The following NFIB variants were observed in gnomAD, a reference collection of about 807,000 sequenced individuals.
NFIB encodes the protein nuclear factor I B.
Under a neutral mutation model 61.5 loss-of-function variants are expected in NFIB, and 11 were observed. The ratio of observed to expected loss-of-function variants is 0.18; its 90% CI spans 0.11 to 0.30. The LOEUF (loss-of-function observed/expected upper bound fraction) is 0.30. Among genes scored for constraint, NFIB ranks in the 10% least tolerant of loss-of-function variants. The pLI, the probability that NFIB is intolerant of heterozygous loss-of-function variation, is 1.00. For missense variants in NFIB, 471 were observed against 608.9 expected, an observed-to-expected ratio of 0.77 and a Z score of 2.38; for synonymous variants, 260 against 216.5, an observed-to-expected ratio of 1.20 and a Z score of -1.76.
chr9:14,196,631 T>C (rs556220676), intron 2 of NFIB, among the ~76,000 whole-genome samples: 18 of 151,578 alleles, frequency 1.2e-4, no homozygotes, highest in African/African-American at 4.1e-4. Context: ...CCAAGGCTCC[T>C]TGAAATCAGG....
the NFIB span, among the ~76,000 whole-genome samples, chr9:14,528,958 A>G: frequency 6.6e-6 from 1 of 152,190 alleles, no homozygotes; most frequent in African/African-American, 2.4e-5. Flanking sequence ...ATAGCCAAGC[A>G]ACGGTAATTT....
chr9:14,438,393 G>A, the NFIB span, among the ~76,000 whole-genome samples: 1 of 152,148 alleles, frequency 6.6e-6, no homozygotes, highest in African/African-American at 2.4e-5. Context: ...TCCTGAGAGA[G>A]CATGAAACAC....
intron 1 of NFIB, among the ~76,000 whole-genome samples, chr9:14,381,061 G>C (rs533272033): frequency 9.2e-6 from 1 of 108,912 alleles, no homozygotes. Context: ...GCAACAGAGC[G>C]AGACTCCGTC....
At chr9:14,267,192 A>T (rs1175859917) in intron 2 of NFIB, among the ~76,000 whole-genome samples, 1 of 152,224 alleles carries the variant, frequency 6.6e-6, no homozygotes, top group African/African-American at 2.4e-5. Flanking sequence ...CACTGAACAC[A>T]TAATAGGAAA....
At position 14,167,083 on chromosome 9, in the gene NFIB, CGGG is replaced by C. The variant is rs71491636; in HGVS notation, c.617-11193_617-11191del. ...AGGGCATATTGTTGTGTGTGTGTGT[CGGG>C]GGGGGGGGGTTCCCCTTTTTAACAT... On this transcript the variant is annotated intron_variant, in intron 3 of 10. Transcript: ENST00000380953. Among the ~76,000 whole-genome samples, 6 of 104,602 alleles carry C rather than the reference CGGG, an allele frequency of 5.7e-5. 1 individual carries two copies. The highest frequency in any genetic ancestry group is 2.3e-4 in the Admixed American group (2 of 8,836). 68.6% of individuals were successfully genotyped at this position (104,602 alleles called of 152,430 possible).
rs139548756 is a variant in NFIB at position 14,267,403 on chromosome 9, T to C, written c.562+39586A>G. Among the ~76,000 whole-genome samples, 603 of 152,318 alleles carry C rather than the reference T, an allele frequency of 4.0e-3. 2 individuals are homozygous for C. Among genetic ancestry groups the C allele is most frequent in the African/African-American group, 0.014 (583 of 41,580 alleles). ...AGGTTAACCTGTCCCTGAGGTTATC[T>C]CAATAAATGCAAATGGCTCAAAGGG... is the stretch of plus-strand genomic sequence containing the variant. On this transcript the variant is annotated intron_variant, in intron 2 of 10. Coordinates refer to ENST00000380953, the MANE Select transcript of NFIB (RefSeq NM_001190737.2).
chr9:14,224,723 T>C (rs1021961822), intron 2 of NFIB, among the ~76,000 whole-genome samples: 1 of 152,198 alleles, frequency 6.6e-6, no homozygotes, highest in African/African-American at 2.4e-5. Flanking sequence ...CATTATGGTG[T>C]TTGGTATCCC....
the NFIB span, among the ~76,000 whole-genome samples, chr9:14,531,576 C>G: frequency 6.6e-6 from 1 of 151,988 alleles, no homozygotes; most frequent in South Asian, 2.1e-4. Flanking sequence ...TGTTTTAAGA[C>G]CAATGCAAGA....
Position 14,087,641 on chromosome 9 carries a change from G to C in NFIB, c.*668C>G. 1 of 217,196 alleles carries C rather than the reference G, an allele frequency of 4.6e-6. No individual in the cohort carries two copies. Among genetic ancestry groups the C allele is most frequent in the Non-Finnish European group, 9.2e-6 (1 of 108,202 alleles). 13.5% of individuals were successfully genotyped at this position (217,196 alleles called of 1,614,324 possible). A position where few individuals can be genotyped will look rare whatever the true frequency, so the allele number is the denominator to read the frequency against. ...ACTGGGTTACACACTGGAAAAGGCT[G>C]GGTTAAGGGCCGAAATTTAATAAAT... On this transcript the variant is annotated 3_prime_UTR_variant, in exon 11 of 11. Coordinates refer to ENST00000380953, the MANE Select transcript of NFIB (RefSeq NM_001190737.2).
the NFIB span, among the ~76,000 whole-genome samples, chr9:14,515,100 G>C: frequency 6.6e-6 from 1 of 152,144 alleles, no homozygotes; most frequent in Non-Finnish European, 1.5e-5. Flanking sequence ...CTAGAATTGG[G>C]GGCTGGGATG....
the NFIB span, among the ~76,000 whole-genome samples, chr9:14,498,239 G>T: frequency 2.6e-5 from 4 of 152,308 alleles, no homozygotes; most frequent in East Asian, 3.9e-4. Flanking sequence ...TCCTTGGAAG[G>T]TCAGGAGAAG....
At chr9:14,171,442 C>T (rs1363210928) in intron 3 of NFIB, among the ~76,000 whole-genome samples, 1 of 152,182 alleles carries the variant, frequency 6.6e-6, no homozygotes, top group Admixed American at 6.5e-5. Context: ...ACATCTCTTG[C>T]CCAGTAGGCA....
chr9:14,243,579 C>A (rs2054566950), intron 2 of NFIB, among the ~76,000 whole-genome samples: 2 of 151,152 alleles, frequency 1.3e-5, no homozygotes, highest in Middle Eastern at 6.8e-3. Context: ...GAAAGTCAAC[C>A]TATGGTTAGA....
the NFIB span, among the ~76,000 whole-genome samples, chr9:14,406,721 C>A: frequency 6.6e-6 from 1 of 152,318 alleles, no homozygotes; most frequent in South Asian, 2.1e-4. Context: ...TGCTTCCAGT[C>A]TTGACCTATA....
the NFIB span, among the ~76,000 whole-genome samples, chr9:14,526,494 AC>A: frequency 6.6e-6 from 1 of 152,202 alleles, no homozygotes; most frequent in African/African-American, 2.4e-5. Flanking sequence ...CCTTAGCAGA[AC>A]TTCTTGTGAA....
In NFIB at chr9:14,344,414, G is replaced by T. The variant is rs929836292; in HGVS notation, c.109-36894C>A. ...TCTAGTCTATTGTTGTCTCAGAAGGGGGGGGTAGAGGGAGTTGTTTGTTTG... is the reference window on the plus strand; with the variant it reads ...TCTAGTCTATTGTTGTCTCAGAAGGTGGGGGTAGAGGGAGTTGTTTGTTTG... On this transcript the variant is annotated intron_variant, in intron 1 of 8. Transcript: ENST00000380934. Among the ~76,000 whole-genome samples, 7 of 152,010 alleles carry T rather than the reference G, an allele frequency of 4.6e-5. No individual in the cohort carries two copies. In the East Asian group the frequency reaches 1.4e-3, roughly 29 times the overall value.
chr9:14,322,772 C>A (rs1423529024), intron 1 of NFIB, among the ~76,000 whole-genome samples: 2 of 151,866 alleles, frequency 1.3e-5, no homozygotes, highest in Non-Finnish European at 2.9e-5. Flanking sequence ...CGCGCGGCGC[C>A]CCTCTCGAGC....
chr9:14,268,494 C>T (rs1436636040), intron 2 of NFIB, among the ~76,000 whole-genome samples: 1 of 152,164 alleles, frequency 6.6e-6, no homozygotes, highest in Admixed American at 6.5e-5. Flanking sequence ...TCCCCAATGA[C>T]TTACCTTTTC....
intron 1 of NFIB, among the ~76,000 whole-genome samples, chr9:14,338,645 T>A (rs2060913645): frequency 1.3e-5 from 2 of 152,178 alleles, no homozygotes; most frequent in African/African-American, 2.4e-5. Context: ...GAAATATACC[T>A]AGCTCATCAC....
Sources: gnomAD v4.1 joint callset for allele counts (sites outside exome capture counted in the v4.1 genomes callset) on GRCh38, gnomAD v4.1.1 for gene constraint, MANE v1.5 for transcripts, NCBI Gene and HGNC (gene_info 2026-07-23, HGNC 2026-07-21) for gene names.